SGCD: variants seen among roughly 807,000 people sequenced by gnomAD.
SGCD encodes the protein sarcoglycan delta.
Under a neutral mutation model 36.6 loss-of-function variants are expected in SGCD, and 18 were observed. The ratio of observed to expected loss-of-function variants is 0.49; its 90% CI spans 0.34 to 0.73. SGCD has a LOEUF of 0.73. Among genes scored for constraint, SGCD ranks in the 30% least tolerant of loss-of-function variants. The probability of loss-of-function intolerance (pLI) is 0.01; values close to 1 mark genes in which losing one functional copy is unlikely to be tolerated. For missense variants in SGCD, 387 were observed against 346.7 expected (o/e 1.12, Z -0.92); for synonymous variants, 133 against 130.6 (o/e 1.02, Z -0.12).
At chr5:156,377,277 G>A (rs1019629099) in intron 3 of SGCD, among the ~76,000 whole-genome samples, 1 of 152,074 alleles carries the variant, frequency 6.6e-6, no homozygotes, top group African/African-American at 2.4e-5. Flanking sequence ...ATTTAATGAT[G>A]CTTAATATTG....
At chr5:155,828,638 T>C in the SGCD span, among the ~76,000 whole-genome samples, 1 of 152,024 alleles carries the variant, frequency 6.6e-6, no homozygotes, top group Non-Finnish European at 1.5e-5. Flanking sequence ...TTTCAGAAAA[T>C]TATATTACTG....
intron 1 of SGCD, among the ~76,000 whole-genome samples, chr5:156,104,821 C>T (rs1329864024): frequency 6.6e-6 from 1 of 152,192 alleles, no homozygotes; most frequent in East Asian, 1.9e-4. Context: ...CTTCTTAAAC[C>T]TTGGTTCCTT....
chr5:156,548,196 A>G (rs1758656616), intron 4 of SGCD, among the ~76,000 whole-genome samples: 1 of 152,166 alleles, frequency 6.6e-6, no homozygotes, highest in Non-Finnish European at 1.5e-5. Context: ...GGACTTAGCA[A>G]TCCACCCCAC....
chr5:155,894,656 G>C (rs558585366), intron 1 of SGCD, among the ~76,000 whole-genome samples: 1 of 152,180 alleles, frequency 6.6e-6, no homozygotes, highest in African/African-American at 2.4e-5. Flanking sequence ...GATTCTCAAA[G>C]GAACATGAAC....
intron 3 of SGCD, among the ~76,000 whole-genome samples, chr5:156,414,790 C>T (rs1396039495): frequency 6.6e-6 from 1 of 152,160 alleles, no homozygotes; most frequent in East Asian, 1.9e-4. Flanking sequence ...GTTTCATGAT[C>T]CTTCTATTCT....
intron 6 of SGCD, among the ~76,000 whole-genome samples, chr5:156,614,029 C>T (rs906764176): frequency 1.3e-5 from 2 of 152,132 alleles, no homozygotes; most frequent in African/African-American, 4.8e-5. Context: ...TCACTGCAAC[C>T]TTTGCCTCCC....
intron 7 of SGCD, among the ~76,000 whole-genome samples, chr5:156,683,650 A>G (rs887868771): frequency 2.0e-5 from 3 of 152,226 alleles, no homozygotes; most frequent in Admixed American, 6.5e-5. Context: ...GTTACAAAGC[A>G]TCTAAACCCC....
At chr5:156,405,899 T>G (rs1019008951) in intron 3 of SGCD, among the ~76,000 whole-genome samples, 1 of 151,772 alleles carries the variant, frequency 6.6e-6, no homozygotes, top group Non-Finnish European at 1.5e-5. Context: ...TTTGAGTTGA[T>G]GGATTTTACA....
chr5:156,594,839 G>A (rs2113388324), intron 5 of SGCD, 93 bp from the exon 6 acceptor site: 2 of 824,274 alleles, frequency 2.4e-6, no homozygotes, highest in East Asian at 5.4e-5. Flanking sequence ...TCTATGAAAA[G>A]CTTTTTGTAG....
chr5:156,023,841 T>G lies in SGCD; in HGVS notation c.-281-94037T>G, dbSNP rs190646745. Among the ~76,000 whole-genome samples the G allele has an allele frequency of 1.5e-4, 23 of 151,738 alleles. No individual in the cohort carries two copies. The East Asian group carries it at 2.7e-3, about 18-fold the overall frequency. Reference sequence around the variant, plus strand: ...TCTGCCATACTTAATGCCTCTTATTTGGTCTCAACTTCTACTCTGCAATTG... The same window carrying G: ...TCTGCCATACTTAATGCCTCTTATTGGGTCTCAACTTCTACTCTGCAATTG... On this transcript the variant is annotated intron_variant, in intron 1 of 9. Coordinates refer to the SGCD transcript ENST00000517913.
intron 3 of SGCD, among the ~76,000 whole-genome samples, chr5:156,350,786 T>G (rs1262750331): frequency 6.6e-6 from 1 of 152,208 alleles, no homozygotes; most frequent in African/African-American, 2.4e-5. Context: ...TAAATGTCTC[T>G]TCTGTGCTAC....
chr5:156,075,015 G>A (rs1760728789), intron 1 of SGCD, among the ~76,000 whole-genome samples: 1 of 152,190 alleles, frequency 6.6e-6, no homozygotes, highest in Non-Finnish European at 1.5e-5. Flanking sequence ...GTGGGTCACT[G>A]CATATGCAGT....
chr5:156,284,422 A>G (rs1243842472), intron 3 of SGCD, among the ~76,000 whole-genome samples: 1 of 152,238 alleles, frequency 6.6e-6, no homozygotes, highest in Non-Finnish European at 1.5e-5. Flanking sequence ...AAAAATCCTC[A>G]ATAGAATACT....
At chr5:156,327,147 G>T (rs557315195), upstream of SGCD, 2 of 152,144 alleles carry the variant, frequency 1.3e-5, no homozygotes, top group Non-Finnish European at 2.9e-5. Flanking sequence ...TCAGCGGGCC[G>T]AGTGGCCACC....
At chr5:156,550,927 T>C (rs1283475178) in intron 4 of SGCD, among the ~76,000 whole-genome samples, 50 of 152,248 alleles carry the variant, frequency 3.3e-4, no homozygotes, top group Non-Finnish European at 7.3e-5. Flanking sequence ...GTAGGTCATC[T>C]TGTTGGCTTT....
At chr5:156,694,158 T>C (rs1754218688) in intron 7 of SGCD, among the ~76,000 whole-genome samples, 6 of 152,204 alleles carry the variant, frequency 3.9e-5, no homozygotes, top group Admixed American at 6.5e-5. Flanking sequence ...TGCAATACAT[T>C]GTCTAATTAA....
At chr5:156,313,850 T>C (rs1767448681) in intron 3 of SGCD, among the ~76,000 whole-genome samples, 1 of 152,122 alleles carries the variant, frequency 6.6e-6, no homozygotes, top group Non-Finnish European at 1.5e-5. Flanking sequence ...TGTAATTTAC[T>C]CTGGAATTTG....
At chr5:156,611,393 G>A (rs1761800673) in intron 6 of SGCD, among the ~76,000 whole-genome samples, 1 of 152,000 alleles carries the variant, frequency 6.6e-6, no homozygotes, top group African/African-American at 2.4e-5. Flanking sequence ...TGTTTTTTTG[G>A]CTGACAGTTA....
At chr5:155,786,107 G>T in the SGCD span, among the ~76,000 whole-genome samples, 1 of 152,154 alleles carries the variant, frequency 6.6e-6, no homozygotes, top group African/African-American at 2.4e-5. Flanking sequence ...AGTGTGAATA[G>T]TGTTGCTTTT....
Sources: gnomAD v4.1 joint callset for allele counts (sites outside exome capture counted in the v4.1 genomes callset) on GRCh38, gnomAD v4.1.1 for gene constraint, MANE v1.5 for transcripts, NCBI Gene and HGNC (gene_info 2026-07-23, HGNC 2026-07-21) for gene names.